The following TMPRSS11D variants were observed in gnomAD, a reference collection of about 807,000 sequenced individuals.
TMPRSS11D encodes transmembrane serine protease 11D, also known as transmembrane protease serine 11D.
In TMPRSS11D, 32 loss-of-function variants were observed where a neutral mutation model predicts 44.4. The ratio of observed to expected loss-of-function variants is 0.72; its 90% CI spans 0.54 to 0.97. TMPRSS11D has a LOEUF of 0.97. Among genes scored for constraint, TMPRSS11D ranks in the 50% least tolerant of loss-of-function variants. The probability of loss-of-function intolerance (pLI) is 0.00; values close to 1 mark genes in which losing one functional copy is unlikely to be tolerated. For missense variants in TMPRSS11D, 446 were observed against 502.6 expected, an observed-to-expected ratio of 0.89 and a Z score of 1.08; for synonymous variants, 179 against 177.9, an observed-to-expected ratio of 1.01 and a Z score of -0.05.
intron 4 of TMPRSS11D, among the ~76,000 whole-genome samples, chr4:67,840,184 A>G (rs1324325888): frequency 6.6e-6 from 1 of 152,108 alleles, no homozygotes; most frequent in African/African-American, 2.4e-5. Flanking sequence ...GGAGCTATAA[A>G]GAACCGCCGG....
intron 1 of TMPRSS11D, among the ~76,000 whole-genome samples, chr4:67,862,191 C>T (rs907615311): frequency 3.3e-5 from 5 of 152,056 alleles, no homozygotes; most frequent in Admixed American, 3.3e-4. Flanking sequence ...TTGTGAAAGC[C>T]TATCTGCCAG....
At chr4:67,824,216 C>A (rs1717728205) in intron 9 of TMPRSS11D, among the ~76,000 whole-genome samples, 1 of 148,298 alleles carries the variant, frequency 6.7e-6, no homozygotes. Flanking sequence ...GTGGAATATA[C>A]ATGGAAGGTA....
chr4:67,843,740 G>A (rs975636255), intron 3 of TMPRSS11D, among the ~76,000 whole-genome samples: 4 of 152,114 alleles, frequency 2.6e-5, no homozygotes, highest in South Asian at 4.2e-4. Context: ...TGGCTAACAC[G>A]GTGAAACTCC....
chr4:67,828,238 T>C (rs1175643269), intron 7 of TMPRSS11D, among the ~76,000 whole-genome samples: 3 of 152,070 alleles, frequency 2.0e-5, no homozygotes, highest in Non-Finnish European at 4.4e-5. Context: ...TGAAAAGAGC[T>C]CTTATCAAAG....
At chr4:67,850,829 G>A (rs1577817906) in intron 3 of TMPRSS11D, among the ~76,000 whole-genome samples, 1 of 152,188 alleles carries the variant, frequency 6.6e-6, no homozygotes, top group Non-Finnish European at 1.5e-5. Context: ...GACATTTTTA[G>A]CATTCAGCCT....
intron 5 of TMPRSS11D, 63 bp downstream of exon 5, chr4:67,838,109 A>C (rs1560539599): frequency 7.5e-7 from 1 of 1,334,854 alleles, no homozygotes; most frequent in African/African-American, 1.5e-5. Flanking sequence ...TAAAATATGA[A>C]TTTGAATTGG....
intron 2 of TMPRSS11D, 136 bp from the exon 3 acceptor site, chr4:67,854,322 A>T: frequency 2.0e-6 from 1 of 494,810 alleles, no homozygotes. Context: ...TCTATGCTTC[A>T]GTGTAATTAT....
chr4:67,867,565 T>C (rs1018047532), intron 1 of TMPRSS11D, among the ~76,000 whole-genome samples: 2 of 152,136 alleles, frequency 1.3e-5, no homozygotes, highest in African/African-American at 2.4e-5. Context: ...GAGAAAATAT[T>C]TGCAAGCTAT....
chr4:67,879,335 G>A (rs977336127), intron 1 of TMPRSS11D, among the ~76,000 whole-genome samples: 1 of 151,866 alleles, frequency 6.6e-6, no homozygotes, highest in Non-Finnish European at 1.5e-5. Context: ...CAAAAAATTA[G>A]CCGGGCGCAG....
intron 1 of TMPRSS11D, among the ~76,000 whole-genome samples, chr4:67,882,552 A>G (rs1719345566): frequency 6.6e-6 from 1 of 152,190 alleles, no homozygotes; most frequent in African/African-American, 2.4e-5. Context: ...TGTATCATTT[A>G]CATGTCTTCT....
chr4:67,879,027 T>C (rs1050155535), intron 1 of TMPRSS11D, among the ~76,000 whole-genome samples: 1 of 152,190 alleles, frequency 6.6e-6, no homozygotes, highest in African/African-American at 2.4e-5. Flanking sequence ...TGCCATATGA[T>C]ATTAAAAGTT....
chr4:67,857,761 A>G (rs141510673), intron 2 of TMPRSS11D, among the ~76,000 whole-genome samples: 185 of 152,318 alleles, frequency 1.2e-3, no homozygotes, highest in African/African-American at 4.3e-3. Context: ...AGATATAAAC[A>G]TATAGTTAGA....
At chr4:67,871,078 A>G (rs185942035) in intron 1 of TMPRSS11D, among the ~76,000 whole-genome samples, 2 of 152,176 alleles carry the variant, frequency 1.3e-5, no homozygotes. Flanking sequence ...ACATTCAAGA[A>G]CTGTTCCTAG....
At chr4:67,823,994 G>A (rs1717719064) in intron 9 of TMPRSS11D, among the ~76,000 whole-genome samples, 1 of 152,122 alleles carries the variant, frequency 6.6e-6, no homozygotes, top group Non-Finnish European at 1.5e-5. Flanking sequence ...CTTGCTGAAT[G>A]CAGGGATAGT....
intron 5 of TMPRSS11D, among the ~76,000 whole-genome samples, chr4:67,836,331 C>T (rs1037966177): frequency 3.3e-5 from 5 of 152,130 alleles, no homozygotes; most frequent in Non-Finnish European, 5.9e-5. Flanking sequence ...TCATATCCTT[C>T]CTTGATTGAA....
intron 3 of TMPRSS11D, among the ~76,000 whole-genome samples, chr4:67,845,403 C>A (rs1209558695): frequency 6.6e-6 from 1 of 152,136 alleles, no homozygotes; most frequent in African/African-American, 2.4e-5. Context: ...GTTAGTTTAG[C>A]TTGCATCACA....
chr4:67,876,749 T>C (rs1719200811), intron 1 of TMPRSS11D, among the ~76,000 whole-genome samples: 1 of 152,198 alleles, frequency 6.6e-6, no homozygotes, highest in Non-Finnish European at 1.5e-5. Context: ...GCTCTATAGA[T>C]ACAGTGCTTA....
chr4:67,842,416 G>T, intron 4 of TMPRSS11D, 142 bp downstream of exon 4: 1 of 770,526 alleles, frequency 1.3e-6, no homozygotes, highest in Non-Finnish European at 2.1e-6. Flanking sequence ...TTTGGCATTG[G>T]TTTTTAAGCT....
chr4:67,838,367 T>C (rs140668348), intron 4 of TMPRSS11D, 38 bp from the exon 5 acceptor site: 23,751 of 1,482,780 alleles, frequency 0.016, 262 homozygotes, highest in South Asian at 0.035. Context: ...ACAAATAATA[T>C]GACAATTTTT....
Sources: gnomAD v4.1 joint callset for allele counts (sites outside exome capture counted in the v4.1 genomes callset) on GRCh38, gnomAD v4.1.1 for gene constraint, MANE v1.5 for transcripts, NCBI Gene and HGNC (gene_info 2026-07-23, HGNC 2026-07-21) for gene names.